Variants in ZNRF1 observed in about 807,000 individuals in gnomAD.
ZNRF1 encodes the protein zinc and ring finger 1.
ZNRF1 carries 3 observed loss-of-function variants against 18.4 expected under a neutral mutation model. The ratio of observed to expected loss-of-function variants is 0.16; its 90% CI spans 0.07 to 0.42. The LOEUF (loss-of-function observed/expected upper bound fraction) is 0.42. ZNRF1 is among the 10% of genes least tolerant of loss of function. The probability of loss-of-function intolerance (pLI) is 0.99; values close to 1 mark genes in which losing one functional copy is unlikely to be tolerated. For missense variants in ZNRF1, 310 were observed against 329.8 expected, an observed-to-expected ratio of 0.94 and a Z score of 0.47; for synonymous variants, 157 against 144.2, an observed-to-expected ratio of 1.09 and a Z score of -0.64.
Position 75,050,891 on chromosome 16 carries a change from AAAAAAAAC to A in ZNRF1, c.425-42674_425-42667del, listed in dbSNP as rs1567478891. 1.3e-3 allele frequency among the ~76,000 whole-genome samples: 168 copies of A among 127,584 alleles called. 32 individuals carry two copies. Among genetic ancestry groups the A allele is most frequent in the African/African-American group, 4.8e-3 (147 of 30,414 alleles). 83.7% of individuals were successfully genotyped at this position (127,584 alleles called of 152,430 possible). On this transcript the variant is annotated intron_variant, in intron 1 of 4. Transcript: ENST00000335325. ...GTCTCAAAAAAAAAAAAAAAAAACAAAAAAAAACAAAAAACTTGTAGCCAGGTACAGTG... is the reference window on the plus strand; with the variant it reads ...GTCTCAAAAAAAAAAAAAAAAAACAAAAAAAACTTGTAGCCAGGTACAGTG...
chr16:75,070,485 T>C (rs1156843941), intron 1 of ZNRF1, among the ~76,000 whole-genome samples: 1 of 152,206 alleles, frequency 6.6e-6, no homozygotes, highest in Non-Finnish European at 1.5e-5. Context: ...CTTTCCTCTT[T>C]AGCATCCACA....
At chr16:75,080,510 T>G (rs1050727853) in intron 1 of ZNRF1, among the ~76,000 whole-genome samples, 1 of 152,158 alleles carries the variant, frequency 6.6e-6, no homozygotes, top group African/African-American at 2.4e-5. Context: ...GCCAGTAGGG[T>G]GGACAGTAGG....
chr16:75,047,027 A>G (rs182329816), intron 1 of ZNRF1: 2 of 152,304 alleles, frequency 1.3e-5, no homozygotes, highest in East Asian at 1.9e-4. Flanking sequence ...TTTTGTGTGT[A>G]TGTTAAAAGT....
chr16:75,072,937 A>T (rs531495437), intron 1 of ZNRF1, among the ~76,000 whole-genome samples: 1 of 152,194 alleles, frequency 6.6e-6, no homozygotes, highest in Admixed American at 6.5e-5. Context: ...GATGGGCCCC[A>T]GTGCTACTGT....
rs780714543 is a variant in ZNRF1 at position 75,104,756 on chromosome 16, C to G, written c.521-28C>G. 1.9e-6 allele frequency: 3 copies of G among 1,568,114 alleles called. No individual in the cohort carries two copies. The African/African-American group carries it at 4.0e-5, about 21-fold the overall frequency. Reference sequence around the variant, plus strand: ...CACCTGTCCACTGGTGACTAACCCTCCTGCACTCTCCCCTGTCCCCCTTGC... The same window carrying G: ...CACCTGTCCACTGGTGACTAACCCTGCTGCACTCTCCCCTGTCCCCCTTGC... On this transcript the variant is annotated intron_variant, in intron 2 of 4. Transcript: ENST00000335325.
chr16:75,080,232 TGAAATG>T (rs1400657097), intron 1 of ZNRF1, among the ~76,000 whole-genome samples: 1 of 152,170 alleles, frequency 6.6e-6, no homozygotes, highest in Non-Finnish European at 1.5e-5. Context: ...ATGGTTTTGA[TGAAATG>T]AATACAGCAG....
At chr16:75,095,609 A>G in intron 2 of ZNRF1, 2 of 1,547,242 alleles carry the variant, frequency 1.3e-6, no homozygotes, top group Non-Finnish European at 1.7e-6. Context: ...AAGAATACAA[A>G]GAAGCCTCAG....
intron 1 of ZNRF1, among the ~76,000 whole-genome samples, chr16:75,074,987 C>A (rs2035920265): frequency 6.6e-6 from 1 of 151,732 alleles, no homozygotes; most frequent in Middle Eastern, 3.2e-3. Context: ...AAAGTTCGCA[C>A]TGTCCAGGAA....
intron 1 of ZNRF1, among the ~76,000 whole-genome samples, chr16:75,002,912 TG>T (rs965702761): frequency 6.6e-6 from 1 of 152,224 alleles, no homozygotes; most frequent in Non-Finnish European, 1.5e-5. Flanking sequence ...TCTTAAAAAT[TG>T]GCCCCTCCGG....
At position 75,083,238 on chromosome 16, in the gene ZNRF1, C is replaced by T. The variant is rs1202692052; in HGVS notation, c.425-10334C>T. ...CAGTATATTTGGGCAGTACTGGATG[C>T]AGCCGATAAAATGGTTTACTCTGCA... On this transcript the variant is annotated intron_variant, in intron 1 of 4. Transcript: ENST00000335325. 2.6e-5 allele frequency among the ~76,000 whole-genome samples: 4 copies of T among 152,216 alleles called. No homozygotes were observed. In the East Asian group the frequency reaches 7.7e-4, roughly 29 times the overall value.
At chr16:75,044,946 T>A (rs1421527665) in intron 1 of ZNRF1, among the ~76,000 whole-genome samples, 1 of 152,214 alleles carries the variant, frequency 6.6e-6, no homozygotes, top group Non-Finnish European at 1.5e-5. Context: ...TCTCTAATGT[T>A]GCATAATACT....
chr16:75,081,153 A>G (rs1441945309), intron 1 of ZNRF1, among the ~76,000 whole-genome samples: 2 of 152,088 alleles, frequency 1.3e-5, no homozygotes, highest in East Asian at 3.9e-4. Flanking sequence ...AGCCTGGGGG[A>G]CAGAGCAAGA....
intron 1 of ZNRF1, among the ~76,000 whole-genome samples, chr16:75,032,812 C>G (rs1476552314): frequency 6.6e-6 from 1 of 151,502 alleles, no homozygotes; most frequent in Non-Finnish European, 1.5e-5. Flanking sequence ...CACTTGAGAC[C>G]CAGACCAGCC....
chr16:75,012,694 C>T (rs537519403), intron 1 of ZNRF1, among the ~76,000 whole-genome samples: 3 of 152,246 alleles, frequency 2.0e-5, no homozygotes, highest in African/African-American at 4.8e-5. Context: ...GCCAACCTAG[C>T]GTGAGTTTTA....
chr16:75,099,443 C>G, intron 2 of ZNRF1, among the ~76,000 whole-genome samples: 1 of 152,144 alleles, frequency 6.6e-6, no homozygotes, highest in Non-Finnish European at 1.5e-5. Context: ...GCTCCAGGGC[C>G]GTGCTCGCCA....
intron 1 of ZNRF1, among the ~76,000 whole-genome samples, chr16:75,002,726 C>CGCT (rs2034868313): frequency 6.6e-6 from 1 of 152,202 alleles, no homozygotes; most frequent in African/African-American, 2.4e-5. Flanking sequence ...TCACGAGCTC[C>CGCT]AGCCTTGCTC....
At chr16:75,075,714 G>A (rs907241186) in intron 1 of ZNRF1, among the ~76,000 whole-genome samples, 9 of 152,330 alleles carry the variant, frequency 5.9e-5, no homozygotes, top group Middle Eastern at 3.4e-3. Flanking sequence ...TACTGTAAGG[G>A]GGCCACAGAC....
Position 75,010,713 on chromosome 16 carries a change from T to TTTTG in ZNRF1, c.424+10621_424+10622insGTTT, listed in dbSNP as rs1555509221. On this transcript the variant is annotated intron_variant, in intron 1 of 4. Coordinates refer to ENST00000335325, the MANE Select transcript of ZNRF1 (RefSeq NM_032268.5). ...TCTGTACTGTACTGTTTTTTTTTGT[T>TTTTG]TTTTTGTTTTTTTTTTTTTGAGGAG... Among the ~76,000 whole-genome samples the TTTTG allele has an allele frequency of 8.9e-4, 43 of 48,490 alleles. 1 individual carries two copies. Among genetic ancestry groups the TTTTG allele is most frequent in the East Asian group, 6.9e-3 (13 of 1,888 alleles). The allele number at this position is 48,490 out of a possible 152,430, so 31.8% of individuals were successfully genotyped here.
intron 1 of ZNRF1, among the ~76,000 whole-genome samples, chr16:75,035,891 C>G (rs190967841): frequency 6.6e-6 from 1 of 152,184 alleles, no homozygotes; most frequent in South Asian, 2.1e-4. Flanking sequence ...CATTTTGCCT[C>G]TTAGTGCTCA....
Sources: allele counts gnomAD v4.1 joint callset (sites outside exome capture counted in the v4.1 genomes callset), GRCh38; gene constraint gnomAD v4.1.1; transcripts MANE v1.5; gene names NCBI Gene and HGNC (gene_info 2026-07-23, HGNC 2026-07-21).